The following VWC2 variants were observed in gnomAD, a reference collection of about 807,000 sequenced individuals.
The protein encoded by VWC2 is von Willebrand factor C domain containing 2.
Under a neutral mutation model 29.8 loss-of-function variants are expected in VWC2, and 14 were observed. That is an observed-to-expected ratio of 0.47 (90% CI 0.31 to 0.74). VWC2 has a LOEUF of 0.74. Ranked by LOEUF, VWC2 falls within the 30% of genes least tolerant of loss-of-function variation. VWC2 has a pLI of 0.05. For synonymous variants in VWC2, 213 were observed against 199.0 expected (o/e 1.07, Z -0.59); for missense variants, 457 against 459.8 (o/e 0.99, Z 0.05).
At chr7:49,856,274 A>G (rs932762789) in intron 3 of VWC2, among the ~76,000 whole-genome samples, 1 of 152,104 alleles carries the variant, frequency 6.6e-6, no homozygotes, top group African/African-American at 2.4e-5. Flanking sequence ...CCCCTTGGTA[A>G]TGAGTGGGTT....
At chr7:49,783,432 A>G (rs370420215) in intron 2 of VWC2, among the ~76,000 whole-genome samples, 3 of 152,282 alleles carry the variant, frequency 2.0e-5, no homozygotes, top group South Asian at 2.1e-4. Flanking sequence ...TCTAGGGAAA[A>G]GAAAAGAGTG....
chr7:49,804,551 T>G lies in VWC2; in HGVS notation c.826+1711T>G, dbSNP rs565781207. 1.0e-3 allele frequency among the ~76,000 whole-genome samples: 154 copies of G among 152,284 alleles called. 4 individuals are homozygous for G. The South Asian group carries it at 0.03, about 30-fold the overall frequency. ...GATATTCCATGTTTTTCCTGTAAAT[T>G]TTGATTATAGACTAAGTCTTGGCAT... On this transcript the variant is annotated intron_variant, in intron 3 of 3. Coordinates refer to ENST00000340652, the MANE Select transcript of VWC2 (RefSeq NM_198570.5).
intron 3 of VWC2, among the ~76,000 whole-genome samples, chr7:49,862,346 A>C (rs548806670): frequency 6.6e-6 from 1 of 152,130 alleles, no homozygotes; most frequent in Non-Finnish European, 1.5e-5. Flanking sequence ...TCTGAGTTCA[A>C]TTATTAGCCC....
intron 2 of VWC2, among the ~76,000 whole-genome samples, chr7:49,793,385 T>C (rs558269198): frequency 6.6e-6 from 1 of 152,134 alleles, no homozygotes; most frequent in African/African-American, 2.4e-5. Context: ...AAACCTGCCC[T>C]CTCATTCATC....
intron 2 of VWC2, among the ~76,000 whole-genome samples, chr7:49,785,242 G>A (rs1221338738): frequency 2.0e-5 from 3 of 152,158 alleles, no homozygotes; most frequent in Admixed American, 2.0e-4. Flanking sequence ...AAGTTAACTA[G>A]TATGAAACAT....
At chr7:49,827,708 C>T (rs1789436549) in intron 3 of VWC2, among the ~76,000 whole-genome samples, 1 of 152,126 alleles carries the variant, frequency 6.6e-6, no homozygotes, top group African/African-American at 2.4e-5. Context: ...TAAGGCTCCT[C>T]TTAATAATGG....
intron 3 of VWC2, among the ~76,000 whole-genome samples, chr7:49,866,986 A>C (rs1790919029): frequency 6.6e-6 from 1 of 152,248 alleles, no homozygotes; most frequent in Admixed American, 6.5e-5. Context: ...AAGCAAAATC[A>C]TAAGTGAAAC....
intron 3 of VWC2, among the ~76,000 whole-genome samples, chr7:49,895,569 A>G (rs1163400320): frequency 5.3e-5 from 8 of 152,214 alleles, no homozygotes; most frequent in Admixed American, 5.2e-4. Context: ...ATTATATCCT[A>G]TAGCAATTTC....
At chr7:49,868,889 G>T (rs1376249705) in intron 3 of VWC2, among the ~76,000 whole-genome samples, 2 of 152,216 alleles carry the variant, frequency 1.3e-5, no homozygotes, top group Non-Finnish European at 2.9e-5. Flanking sequence ...AAAGTGCTGG[G>T]ATTACGGGCA....
At chr7:49,775,253 C>T (rs1041107773) in intron 1 of VWC2, 80 bp from the exon 2 acceptor site, 17 of 302,098 alleles carry the variant, frequency 5.6e-5, no homozygotes, top group African/African-American at 3.5e-4. Flanking sequence ...TAGAGCTATG[C>T]CGGAGCCCGG....
chr7:49,804,162 GT>G (rs373752097), intron 3 of VWC2, among the ~76,000 whole-genome samples: 14 of 146,488 alleles, frequency 9.6e-5, no homozygotes, highest in Non-Finnish European at 1.5e-4. Context: ...CATGGAGTGT[GT>G]TTTTTTTTTA....
chr7:49,907,071 G>A (rs1240951641), intron 3 of VWC2, among the ~76,000 whole-genome samples: 1 of 152,162 alleles, frequency 6.6e-6, no homozygotes, highest in Non-Finnish European at 1.5e-5. Flanking sequence ...CTGGGTCTGT[G>A]TATGGATGTG....
intron 3 of VWC2, among the ~76,000 whole-genome samples, chr7:49,822,610 T>C (rs112831455): frequency 0.014 from 2,200 of 152,302 alleles, 34 homozygotes; most frequent in African/African-American, 0.036. Context: ...AGCTAGTTTT[T>C]GTATTTTTAG....
At position 49,913,471 on chromosome 7, in the gene VWC2, A is replaced by G. The variant is rs899029728; in HGVS notation, c.*1286A>G. On this transcript the variant is annotated 3_prime_UTR_variant, in exon 4 of 4. Transcript: ENST00000340652. Reference sequence around the variant, plus strand: ...TAATAGGTGTAGGATAAAAAAAGCAAAACTATAATCACTATTAATGTCTTT... The same window carrying G: ...TAATAGGTGTAGGATAAAAAAAGCAGAACTATAATCACTATTAATGTCTTT... 1.3e-5 allele frequency: 2 copies of G among 152,226 alleles called. No individual in the cohort carries two copies. The highest frequency in any genetic ancestry group is 4.8e-5 in the African/African-American group (2 of 41,460). 9.4% of individuals were successfully genotyped at this position (152,226 alleles called of 1,614,324 possible). A position where few individuals can be genotyped will look rare whatever the true frequency, so the allele number is the denominator to read the frequency against.
In VWC2 at chr7:49,913,420, G is replaced by C. The variant is rs1793559299; in HGVS notation, c.*1235G>C. On this transcript the variant is annotated 3_prime_UTR_variant, in exon 4 of 4. Coordinates refer to ENST00000340652, the MANE Select transcript of VWC2 (RefSeq NM_198570.5). Reference sequence around the variant, plus strand: ...TATCAATCATATCAGCATGCGGTGTGTTGATGAAAGAGGTAATTGGAGTCT... The same window carrying C: ...TATCAATCATATCAGCATGCGGTGTCTTGATGAAAGAGGTAATTGGAGTCT... 1.3e-5 allele frequency: 2 copies of C among 152,162 alleles called. No individual in the cohort carries two copies. Among genetic ancestry groups the C allele is most frequent in the Non-Finnish European group, 2.9e-5 (2 of 68,030 alleles). 9.4% of individuals were successfully genotyped at this position (152,162 alleles called of 1,614,324 possible).
At chr7:49,788,782 G>A (rs1788370657) in intron 2 of VWC2, among the ~76,000 whole-genome samples, 1 of 149,420 alleles carries the variant, frequency 6.7e-6, no homozygotes. Flanking sequence ...GGGTGTGTAT[G>A]AGTGTGGGTG....
chr7:49,831,819 G>T (rs569602999), intron 3 of VWC2, among the ~76,000 whole-genome samples: 7 of 152,252 alleles, frequency 4.6e-5, no homozygotes, highest in African/African-American at 1.7e-4. Context: ...AATAATAAAA[G>T]ACTATTGCAA....
At chr7:49,783,264 A>C (rs1788217174) in intron 2 of VWC2, among the ~76,000 whole-genome samples, 1 of 152,086 alleles carries the variant, frequency 6.6e-6, no homozygotes, top group South Asian at 2.1e-4. Context: ...GGCCCCCTCC[A>C]GGAGACAGGC....
intron 3 of VWC2, among the ~76,000 whole-genome samples, chr7:49,869,840 C>T (rs374017659): frequency 5.9e-5 from 9 of 151,878 alleles, no homozygotes; most frequent in East Asian, 5.8e-4. Flanking sequence ...TAATCCAAAA[C>T]GGGAAGCTTA....
Sources: gnomAD v4.1 joint callset for allele counts (sites outside exome capture counted in the v4.1 genomes callset) on GRCh38, gnomAD v4.1.1 for gene constraint, MANE v1.5 for transcripts, NCBI Gene and HGNC (gene_info 2026-07-23, HGNC 2026-07-21) for gene names.